Variants in KCNAB1 observed in about 807,000 individuals in gnomAD.
The protein encoded by KCNAB1 is voltage-gated potassium channel subunit beta-1.
In KCNAB1, 35 loss-of-function variants were observed where a neutral mutation model predicts 64.6. That is an observed-to-expected ratio of 0.54 (90% CI 0.41 to 0.72). The LOEUF (loss-of-function observed/expected upper bound fraction) is 0.72, where lower values mean the gene tolerates loss of function less well. Among genes scored for constraint, KCNAB1 ranks in the 30% least tolerant of loss-of-function variants. The probability of loss-of-function intolerance (pLI) is 0.00; values close to 1 mark genes in which losing one functional copy is unlikely to be tolerated. For synonymous variants in KCNAB1, 177 were observed against 183.8 expected (o/e 0.96, Z 0.30); for missense variants, 401 against 512.9 (o/e 0.78, Z 2.11).
At chr3:156,176,220 A>G (rs947606463) in intron 1 of KCNAB1, 4 of 781,346 alleles carry the variant, frequency 5.1e-6, no homozygotes, top group Non-Finnish European at 9.5e-6. Flanking sequence ...CTGAATCTGC[A>G]TGGCCTGTCA....
chr3:156,323,622 T>C (rs1722804107), intron 1 of KCNAB1, among the ~76,000 whole-genome samples: 1 of 152,158 alleles, frequency 6.6e-6, no homozygotes, highest in African/African-American at 2.4e-5. Context: ...ATGTGAGGTG[T>C]TTCTTTTATG....
chr3:156,457,295 G>A (rs954856557), intron 3 of KCNAB1, 158 bp from the exon 4 acceptor site: 37 of 1,440,600 alleles, frequency 2.6e-5, no homozygotes, highest in Non-Finnish European at 2.9e-5. Context: ...TATGGATACT[G>A]GCTGAGACTT....
At chr3:156,194,899 A>G (rs1326803449) in intron 1 of KCNAB1, among the ~76,000 whole-genome samples, 1 of 151,742 alleles carries the variant, frequency 6.6e-6, no homozygotes, top group Admixed American at 6.6e-5. Context: ...TAAGCCCTGG[A>G]TGCATTACGT....
chr3:156,389,954 CAT>C lies in KCNAB1; in HGVS notation c.276-31659_276-31658del, dbSNP rs143623355. ...AAAGTTAAATAGTTGTGACAGAGACCATATGTCTTGCAAAGCTGAAAATATTT... is the reference window on the plus strand; with the variant it reads ...AAAGTTAAATAGTTGTGACAGAGACCATGTCTTGCAAAGCTGAAAATATTT... On this transcript the variant is annotated intron_variant, in intron 1 of 13. Coordinates refer to ENST00000490337, the MANE Select transcript of KCNAB1 (RefSeq NM_172160.3). Among the ~76,000 whole-genome samples the C allele has an allele frequency of 9.7e-3, 1,473 of 152,246 alleles. 29 individuals are homozygous for C. Among genetic ancestry groups the C allele is most frequent in the African/African-American group, 0.034 (1,396 of 41,536 alleles).
At chr3:156,536,443 C>CTTATGCCTTTATGCCTTCAT in intron 13 of KCNAB1, 1 of 515,672 alleles carries the variant, frequency 1.9e-6, no homozygotes, top group Non-Finnish European at 3.5e-6. Context: ...TGAGCCTTCA[C>CTTATGCCTTTATGCCTTCAT]TTATGCCTTT....
intron 8 of KCNAB1, among the ~76,000 whole-genome samples, chr3:156,496,298 G>A (rs1055793958): frequency 1.3e-5 from 2 of 152,058 alleles, no homozygotes; most frequent in Admixed American, 6.6e-5. Context: ...TAATCCCCAC[G>A]TGTCTTGGGA....
chr3:156,430,992 C>T (rs750541680), intron 2 of KCNAB1, among the ~76,000 whole-genome samples: 70 of 152,254 alleles, frequency 4.6e-4, no homozygotes, highest in Non-Finnish European at 8.5e-4. Flanking sequence ...GACTTATGAA[C>T]GCTCCACAGA....
At chr3:156,258,398 A>G (rs1480065197) in intron 1 of KCNAB1, among the ~76,000 whole-genome samples, 1 of 152,186 alleles carries the variant, frequency 6.6e-6, no homozygotes, top group Non-Finnish European at 1.5e-5. Flanking sequence ...TCTTTTTTCT[A>G]TCATGTACTG....
intron 1 of KCNAB1, among the ~76,000 whole-genome samples, chr3:156,221,987 C>T (rs1448724893): frequency 6.6e-6 from 1 of 151,998 alleles, no homozygotes; most frequent in Non-Finnish European, 1.5e-5. Flanking sequence ...TCTCACAGGA[C>T]CTATATAACA....
intron 1 of KCNAB1, among the ~76,000 whole-genome samples, chr3:156,401,437 C>T (rs1299869915): frequency 1.3e-5 from 2 of 152,146 alleles, no homozygotes; most frequent in African/African-American, 4.8e-5. Context: ...GGATTTTTTC[C>T]TTTCTATTTT....
intron 1 of KCNAB1, among the ~76,000 whole-genome samples, chr3:156,321,067 G>A (rs544725388): frequency 5.9e-5 from 9 of 152,314 alleles, no homozygotes; most frequent in Non-Finnish European, 1.2e-4. Context: ...GTCGGCACAA[G>A]TGCTTGGCCC....
In KCNAB1 at chr3:156,537,048, T is replaced by G; in HGVS notation, c.*301T>G. Reference sequence around the variant, plus strand: ...GGGGGCCAGGGGGTGTGGTACTACCTTCAGGCATTTGGTAACTCAAAGAAG... The same window carrying G: ...GGGGGCCAGGGGGTGTGGTACTACCGTCAGGCATTTGGTAACTCAAAGAAG... On this transcript the variant is annotated 3_prime_UTR_variant, in exon 14 of 14. Coordinates refer to ENST00000490337, the MANE Select transcript of KCNAB1 (RefSeq NM_172160.3). 2.3e-6 allele frequency: 1 copy of G among 438,720 alleles called. No homozygotes were observed. The highest frequency in any genetic ancestry group is 4.0e-5 in the Admixed American group (1 of 24,818). The allele number at this position is 438,720 out of a possible 1,614,324, so 27.2% of individuals were successfully genotyped here.
chr3:156,353,673 G>A (rs1478949431), intron 1 of KCNAB1, among the ~76,000 whole-genome samples: 2 of 152,152 alleles, frequency 1.3e-5, no homozygotes, highest in Admixed American at 6.5e-5. Flanking sequence ...CAGGCTCCTC[G>A]CTGGCTATTG....
At chr3:156,182,078 C>G (rs979463104) in intron 1 of KCNAB1, among the ~76,000 whole-genome samples, 1 of 152,102 alleles carries the variant, frequency 6.6e-6, no homozygotes, top group Middle Eastern at 3.2e-3. Context: ...TTATCATGAG[C>G]AACTTTAATA....
chr3:156,535,332 T>C (rs1375602276), intron 13 of KCNAB1, among the ~76,000 whole-genome samples: 1 of 152,154 alleles, frequency 6.6e-6, no homozygotes, highest in Non-Finnish European at 1.5e-5. Context: ...TTCACCACAG[T>C]CTCCACACAG....
chr3:156,282,391 T>C, intron 1 of KCNAB1, among the ~76,000 whole-genome samples: 1 of 140,700 alleles, frequency 7.1e-6, no homozygotes, highest in Non-Finnish European at 1.5e-5. Context: ...TCCAAGTATG[T>C]GGTCAATTTT....
chr3:156,459,800 TA>T, intron 4 of KCNAB1, 26 bp from the exon 5 acceptor site: 3 of 1,579,232 alleles, frequency 1.9e-6, no homozygotes, highest in Non-Finnish European at 2.6e-6. Flanking sequence ...CACTGCATTC[TA>T]AGACATTATC....
At chr3:156,169,787 C>T (rs537114681) in intron 1 of KCNAB1, among the ~76,000 whole-genome samples, 1 of 152,346 alleles carries the variant, frequency 6.6e-6, no homozygotes, top group Admixed American at 6.5e-5. Flanking sequence ...GCTTTCCCTT[C>T]GCCTTCGGCC....
upstream of KCNAB1, chr3:156,120,461 G>A (rs1713268597): frequency 8.0e-6 from 7 of 872,598 alleles, no homozygotes; most frequent in Non-Finnish European, 1.3e-5. Flanking sequence ...TTCATCCCAA[G>A]CCACAGACTG....
Sources: gnomAD v4.1 joint callset for allele counts (sites outside exome capture counted in the v4.1 genomes callset) on GRCh38, gnomAD v4.1.1 for gene constraint, MANE v1.5 for transcripts, NCBI Gene and HGNC (gene_info 2026-07-23, HGNC 2026-07-21) for gene names.